The following ST7 variants were observed in gnomAD, a reference collection of about 807,000 sequenced individuals.
ST7 encodes the protein suppressor of tumorigenicity 7 protein.
In ST7, 28 loss-of-function variants were observed where a neutral mutation model predicts 78.7. The ratio of observed to expected loss-of-function variants is 0.36; its 90% CI spans 0.26 to 0.49. The LOEUF (loss-of-function observed/expected upper bound fraction) is 0.49, where lower values mean the gene tolerates loss of function less well. Among genes scored for constraint, ST7 ranks in the 20% least tolerant of loss-of-function variants. The pLI is 0.99. For missense variants in ST7, 418 were observed against 696.0 expected, an observed-to-expected ratio of 0.60 and a Z score of 4.49; for synonymous variants, 247 against 249.6, an observed-to-expected ratio of 0.99 and a Z score of 0.10.
chr7:117,182,934 C>T (rs976224443), intron 10 of ST7, among the ~76,000 whole-genome samples: 18 of 152,040 alleles, frequency 1.2e-4, no homozygotes, highest in Non-Finnish European at 1.9e-4. Flanking sequence ...GAAAGATTGA[C>T]GAACAATAAT....
intron 1 of ST7, among the ~76,000 whole-genome samples, chr7:117,065,161 G>C (rs185772118): frequency 1.3e-5 from 2 of 148,812 alleles, no homozygotes; most frequent in East Asian, 4.0e-4. Flanking sequence ...TCTATAGCAA[G>C]TTATGAATAA....
intron 1 of ST7, among the ~76,000 whole-genome samples, chr7:117,022,421 CA>C (rs1260569181): frequency 2.0e-5 from 3 of 152,078 alleles, no homozygotes; most frequent in African/African-American, 7.2e-5. Context: ...ACATGTACCC[CA>C]GAACTTAAAG....
At chr7:117,036,508 A>G (rs1311031742) in intron 1 of ST7, among the ~76,000 whole-genome samples, 1 of 152,178 alleles carries the variant, frequency 6.6e-6, no homozygotes, top group Non-Finnish European at 1.5e-5. Flanking sequence ...GAGAATTGAC[A>G]GTAGGAATAA....
intron 1 of ST7, among the ~76,000 whole-genome samples, chr7:117,086,195 T>C (rs1228930739): frequency 2.6e-5 from 4 of 152,212 alleles, no homozygotes; most frequent in Non-Finnish European, 5.9e-5. Flanking sequence ...TCCATCCATT[T>C]TGGGGATACA....
At chr7:117,171,802 A>T (rs751529489) in intron 10 of ST7, among the ~76,000 whole-genome samples, 45 of 152,062 alleles carry the variant, frequency 3.0e-4, no homozygotes, top group Non-Finnish European at 6.0e-4. Context: ...TGTAAAATGG[A>T]TGTAGGGAAT....
At chr7:117,172,911 A>T (rs772942731) in intron 10 of ST7, among the ~76,000 whole-genome samples, 2 of 152,264 alleles carry the variant, frequency 1.3e-5, no homozygotes, top group Non-Finnish European at 2.9e-5. Flanking sequence ...TACAGAAATC[A>T]TCAGCCTCGT....
At chr7:117,032,216 G>GT (rs1332028811) in intron 1 of ST7, among the ~76,000 whole-genome samples, 2 of 151,906 alleles carry the variant, frequency 1.3e-5, no homozygotes, top group African/African-American at 4.8e-5. Flanking sequence ...AAAAAGAATG[G>GT]TTTTGTACTT....
intron 1 of ST7, chr7:116,956,438 T>G (rs758899709): frequency 8.5e-6 from 4 of 470,708 alleles, no homozygotes; most frequent in African/African-American, 2.0e-5. Flanking sequence ...TGGTGCTTAC[T>G]CTTCCTGTGA....
chr7:117,017,221 T>C (rs1211894100), intron 1 of ST7, among the ~76,000 whole-genome samples: 1 of 152,208 alleles, frequency 6.6e-6, no homozygotes, highest in East Asian at 1.9e-4. Context: ...TCATCACATA[T>C]ACCATCACTT....
intron 1 of ST7, among the ~76,000 whole-genome samples, chr7:117,017,447 A>G (rs781347881): frequency 6.6e-6 from 1 of 152,178 alleles, no homozygotes; most frequent in South Asian, 2.1e-4. Context: ...TTCTCATTTA[A>G]TGATTATTAT....
At chr7:117,012,978 T>C (rs1340482416) in intron 1 of ST7, among the ~76,000 whole-genome samples, 1 of 152,206 alleles carries the variant, frequency 6.6e-6, no homozygotes, top group Non-Finnish European at 1.5e-5. Flanking sequence ...ATGTTTTCAT[T>C]CCATTAATAA....
intron 1 of ST7, among the ~76,000 whole-genome samples, chr7:117,054,116 G>T (rs1164556306): frequency 1.3e-5 from 2 of 152,040 alleles, no homozygotes; most frequent in African/African-American, 4.8e-5. Flanking sequence ...GCGATTACAG[G>T]CATGAGCCAC....
chr7:117,182,572 A>G (rs1311378007), intron 10 of ST7: 1 of 152,156 alleles, frequency 6.6e-6, no homozygotes, highest in South Asian at 2.1e-4. Context: ...AAAAGACCTG[A>G]CTTTAGCTGA....
intron 9 of ST7, among the ~76,000 whole-genome samples, chr7:117,161,744 T>A (rs1807174822): frequency 6.6e-6 from 1 of 151,704 alleles, no homozygotes; most frequent in African/African-American, 2.4e-5. Flanking sequence ...GGATTACAGG[T>A]GTGAGCCATC....
chr7:117,038,744 A>G (rs988030676), intron 1 of ST7, among the ~76,000 whole-genome samples: 18 of 152,218 alleles, frequency 1.2e-4, no homozygotes, highest in African/African-American at 4.1e-4. Context: ...AGGCAGATAC[A>G]CAGATATATG....
intron 1 of ST7, among the ~76,000 whole-genome samples, chr7:117,048,145 A>T (rs1489540207): frequency 6.6e-6 from 1 of 152,088 alleles, no homozygotes; most frequent in Non-Finnish European, 1.5e-5. Context: ...CATCATTTTC[A>T]TGTTTAGTAG....
At chr7:117,054,992 C>T (rs1483093150) in intron 1 of ST7, among the ~76,000 whole-genome samples, 6 of 152,138 alleles carry the variant, frequency 3.9e-5, no homozygotes, top group Non-Finnish European at 8.8e-5. Context: ...ATTTTTCCTC[C>T]ACTTCTTATT....
rs529850876 is a variant in ST7, at chr7:116,955,133, T to C, written c.151+1442T>C. 1.1e-4 allele frequency: 50 copies of C among 471,098 alleles called. 1 individual carries two copies. Among genetic ancestry groups the C allele is most frequent in the Middle Eastern group, 9.7e-4 (3 of 3,078 alleles). 29.2% of individuals were successfully genotyped at this position (471,098 alleles called of 1,614,324 possible). On this transcript the variant is annotated intron_variant, in intron 1 of 15. Transcript: ENST00000323984. The stretch of plus-strand genomic sequence containing the variant: ...TTTGGATGGCTGCTTGTCGCAATAT[T>C]GTCTTCTTCGCTTTAGACAAGTATG...
At chr7:117,034,309 T>C (rs139135256) in intron 1 of ST7, among the ~76,000 whole-genome samples, 14 of 152,306 alleles carry the variant, frequency 9.2e-5, no homozygotes, top group Middle Eastern at 3.4e-3. Context: ...CCTACTGTTA[T>C]TAGGTATTAT....
Sources: gnomAD v4.1 joint callset for allele counts (sites outside exome capture counted in the v4.1 genomes callset) on GRCh38, gnomAD v4.1.1 for gene constraint, MANE v1.5 for transcripts, NCBI Gene and HGNC (gene_info 2026-07-23, HGNC 2026-07-21) for gene names.